The following CAMTA1 variants were observed in gnomAD, a reference collection of about 807,000 sequenced individuals.
The protein encoded by CAMTA1 is calmodulin-binding transcription activator 1.
In CAMTA1, 27 loss-of-function variants were observed where a neutral mutation model predicts 170.9. That is an observed-to-expected ratio of 0.16 (90% confidence interval 0.12 to 0.22). The LOEUF is 0.22. Among genes scored for constraint, CAMTA1 ranks in the 10% least tolerant of loss-of-function variants. The pLI is 1.00. For synonymous variants in CAMTA1, 833 were observed against 891.5 expected (o/e 0.93, Z 1.17); for missense variants, 1,619 against 2,217.2 (o/e 0.73, Z 5.42).
At chr1:6,968,970 A>G (rs1164921309) in intron 3 of CAMTA1, among the ~76,000 whole-genome samples, 1 of 152,112 alleles carries the variant, frequency 6.6e-6, no homozygotes, top group East Asian at 1.9e-4. Context: ...TCTGTCTCCA[A>G]GGAGCTAGTC....
intron 3 of CAMTA1, among the ~76,000 whole-genome samples, chr1:6,832,580 C>T (rs1398645743): frequency 2.6e-5 from 4 of 152,054 alleles, no homozygotes; most frequent in Non-Finnish European, 5.9e-5. Context: ...TCATTTAAGA[C>T]TCTTCAGACT....
intron 22 of CAMTA1, among the ~76,000 whole-genome samples, chr1:7,761,432 T>C (rs2096975069): frequency 6.6e-6 from 1 of 152,196 alleles, no homozygotes; most frequent in East Asian, 1.9e-4. Flanking sequence ...TATAATTTTT[T>C]TTTTTTAGAT....
intron 3 of CAMTA1, among the ~76,000 whole-genome samples, chr1:6,898,929 T>A (rs1183753279): frequency 6.6e-6 from 1 of 152,106 alleles, no homozygotes; most frequent in African/African-American, 2.4e-5. Context: ...GAATAGATGA[T>A]CTAGACGTAG....
At chr1:7,070,137 A>G (rs533150549) in intron 3 of CAMTA1, among the ~76,000 whole-genome samples, 16 of 152,328 alleles carry the variant, frequency 1.1e-4, no homozygotes, top group Middle Eastern at 3.4e-3. Flanking sequence ...CGGAGCCGCC[A>G]GCCTCAGGGG....
At chr1:6,838,466 C>T (rs1159160114) in intron 3 of CAMTA1, among the ~76,000 whole-genome samples, 1 of 152,118 alleles carries the variant, frequency 6.6e-6, no homozygotes, top group African/African-American at 2.4e-5. Context: ...AAGCATGAAG[C>T]CCAGGAAAGG....
chr1:7,498,195 TG>T (rs2093865752), intron 6 of CAMTA1, among the ~76,000 whole-genome samples: 1 of 101,236 alleles, frequency 9.9e-6, no homozygotes. Flanking sequence ...AGAGTGAGTG[TG>T]TGTGTGTGTG....
intron 3 of CAMTA1, among the ~76,000 whole-genome samples, chr1:7,034,966 C>A (rs1703369733): frequency 6.6e-6 from 1 of 152,126 alleles, no homozygotes; most frequent in Admixed American, 6.5e-5. Flanking sequence ...AAAAGTTGCT[C>A]ATTTAGCTTG....
intron 6 of CAMTA1, among the ~76,000 whole-genome samples, chr1:7,601,833 C>A (rs1375153109): frequency 6.6e-6 from 1 of 152,052 alleles, no homozygotes; most frequent in Non-Finnish European, 1.5e-5. Flanking sequence ...CGCAGGCACT[C>A]GGCAGGCTGA....
intron 6 of CAMTA1, among the ~76,000 whole-genome samples, chr1:7,492,579 A>G (rs1358897946): frequency 6.6e-6 from 1 of 151,306 alleles, no homozygotes; most frequent in Non-Finnish European, 1.5e-5. Context: ...ACAAACGCAA[A>G]CCTACATACA....
At chr1:6,801,068 G>A (rs1381809875) in intron 1 of CAMTA1, among the ~76,000 whole-genome samples, 1 of 152,178 alleles carries the variant, frequency 6.6e-6, no homozygotes, top group Non-Finnish European at 1.5e-5. Flanking sequence ...TGGAGAGTGG[G>A]CACTTAACAT....
In CAMTA1 at chr1:7,547,912, A is replaced by T. The variant is rs1335893057; in HGVS notation, c.510+80011A>T. 6.6e-6 allele frequency among the ~76,000 whole-genome samples: 1 copy of T among 152,110 alleles called. No homozygotes were observed. Among genetic ancestry groups the T allele is most frequent in the African/African-American group, 2.4e-5 (1 of 41,426 alleles). ...CCCACTCACCCGTCAATATGCCCTT[A>T]TGCTGTTGTAAGGAGGATTCTGAAG... On this transcript the variant is annotated intron_variant, in intron 6 of 22. Coordinates refer to ENST00000303635, the MANE Select transcript of CAMTA1 (RefSeq NM_015215.4). This position sits in a 1 kb window ranked among gnomAD's most constrained non-coding sequence, Gnocchi z 5.7.
chr1:7,243,092 C>T (rs2149268845), intron 4 of CAMTA1, among the ~76,000 whole-genome samples: 1 of 152,242 alleles, frequency 6.6e-6, no homozygotes, highest in East Asian at 1.9e-4. Flanking sequence ...TATTCTGTTC[C>T]ATTGGCTTGT....
intron 7 of CAMTA1, among the ~76,000 whole-genome samples, chr1:7,647,664 C>G (rs796530268): frequency 6.6e-5 from 10 of 152,342 alleles, no homozygotes; most frequent in African/African-American, 2.4e-4. Flanking sequence ...CTTTTTTCCT[C>G]TCCAGCTCAG....
At position 7,076,385 on chromosome 1, in the gene CAMTA1, G is replaced by GT. The variant is rs537618709; in HGVS notation, c.235-14913dup. On this transcript the variant is annotated intron_variant, in intron 3 of 22. Coordinates refer to ENST00000303635, the MANE Select transcript of CAMTA1 (RefSeq NM_015215.4). ...TTTTCAGGAAGATATATTTGATTGT[G>GT]TTTTTTCCCTGCAGCCCATGCTGCT... 6.0e-3 allele frequency among the ~76,000 whole-genome samples: 911 copies of GT among 152,256 alleles called. 1 individual carries two copies. The highest frequency in any genetic ancestry group is 0.01 in the Middle Eastern group (3 of 294).
chr1:6,902,084 T>TAAAAACA (rs143405526), intron 3 of CAMTA1, among the ~76,000 whole-genome samples: 1 of 105,012 alleles, frequency 9.5e-6, no homozygotes, highest in East Asian at 2.5e-4. Context: ...AAAAAAAAAA[T>TAAAAACA]AAAAATAAAA....
intron 19 of CAMTA1, among the ~76,000 whole-genome samples, chr1:7,750,363 G>A (rs971761275): frequency 2.6e-5 from 4 of 152,196 alleles, no homozygotes; most frequent in Admixed American, 6.5e-5. Context: ...TCCTTGCGAC[G>A]GTAAGTTGCC....
At chr1:7,679,198 GT>G (rs370695973) in intron 11 of CAMTA1, among the ~76,000 whole-genome samples, 61 of 152,338 alleles carry the variant, frequency 4.0e-4, no homozygotes, top group African/African-American at 1.4e-3. Context: ...TCTGGTTTTA[GT>G]TTTGCAGAAC....
At chr1:7,225,627 T>C in intron 4 of CAMTA1, among the ~76,000 whole-genome samples, 1 of 152,022 alleles carries the variant, frequency 6.6e-6, no homozygotes, top group South Asian at 2.1e-4. Flanking sequence ...GCCAGCGGGG[T>C]TGACAGCTAC....
chr1:7,752,580 G>T, intron 21 of CAMTA1, 47 bp downstream of exon 21: 1 of 1,457,428 alleles, frequency 6.9e-7, no homozygotes, highest in Admixed American at 2.0e-5. Context: ...GAATGATGAA[G>T]CAACCCTGAC....
Sources: gnomAD v4.1 joint callset for allele counts (sites outside exome capture counted in the v4.1 genomes callset) on GRCh38, gnomAD v4.1.1 for gene constraint, Gnocchi (gnomAD v3.1) non-coding constraint, MANE v1.5 for transcripts, NCBI Gene and HGNC (gene_info 2026-07-23, HGNC 2026-07-21) for gene names.